Variants in RAD52 observed in about 807,000 individuals in gnomAD.
The protein encoded by RAD52 is RAD52 DNA repair protein, also known as DNA repair protein RAD52 homolog.
In RAD52, 47 loss-of-function variants were observed where a neutral mutation model predicts 55.5. The observed-to-expected ratio is 0.85, with a 90% confidence interval of 0.67 to 1.08. The LOEUF (loss-of-function observed/expected upper bound fraction) is 1.08. Among genes scored for constraint, RAD52 ranks in the 50% least tolerant of loss-of-function variants. The pLI is 0.00. For synonymous variants in RAD52, 184 were observed against 198.9 expected, an observed-to-expected ratio of 0.92 and a Z score of 0.63; for missense variants, 468 against 522.8, an observed-to-expected ratio of 0.90 and a Z score of 1.02.
At chr12:916,208 G>A in intron 9 of RAD52, 136 bp downstream of exon 9, 2 of 1,465,594 alleles carry the variant, frequency 1.4e-6, no homozygotes, top group Non-Finnish European at 1.8e-6. Context: ...CATCTCTCCT[G>A]CGTGTAGCTT....
chr12:978,922 A>G (rs1958972933), intron 1 of RAD52, among the ~76,000 whole-genome samples: 1 of 152,150 alleles, frequency 6.6e-6, no homozygotes, highest in Admixed American at 6.5e-5. Flanking sequence ...AGATAGACAG[A>G]CAGACAGATA....
chr12:984,114 A>G (rs190540316), intron 1 of RAD52, among the ~76,000 whole-genome samples: 1 of 152,182 alleles, frequency 6.6e-6, no homozygotes, highest in East Asian at 1.9e-4. Context: ...CTTCTTCCCA[A>G]ACGGAAACTC....
At chr12:925,327 C>A in intron 7 of RAD52, 123 bp downstream of exon 7, 1 of 797,276 alleles carries the variant, frequency 1.3e-6, no homozygotes. Context: ...CTGAAATCAA[C>A]ATTCCCGACC....
chr12:926,583 G>A (rs1327804812), intron 6 of RAD52, among the ~76,000 whole-genome samples: 6 of 151,996 alleles, frequency 3.9e-5, no homozygotes, highest in Non-Finnish European at 7.4e-5. Context: ...CTCTCTCCAC[G>A]TTCCCTCTTC....
rs60547688 is a variant in RAD52, at chr12:961,309, C to CAAAAAAAAAAAAAA, written c.-18-28247_-18-28234dup. Among the ~76,000 whole-genome samples the CAAAAAAAAAAAAAA allele has an allele frequency of 2.7e-4, 9 of 33,810 alleles. 1 individual carries two copies. Among genetic ancestry groups the CAAAAAAAAAAAAAA allele is most frequent in the East Asian group, 9.6e-4 (1 of 1,046 alleles). The allele number at this position is 33,810 out of a possible 152,430, so 22.2% of individuals were successfully genotyped here. A position where few individuals can be genotyped will look rare whatever the true frequency, so the allele number is the denominator to read the frequency against. ...TGGGTGACAGAGTGAGACTCCATCT[C>CAAAAAAAAAAAAAA]AAAAAAAAAAAAAAAAAAAAAAAGG... On this transcript the variant is annotated intron_variant, in intron 1 of 11. Transcript: ENST00000430095.
chr12:947,336 A>G (rs980877597), intron 1 of RAD52, among the ~76,000 whole-genome samples: 8 of 140,158 alleles, frequency 5.7e-5, no homozygotes, highest in African/African-American at 1.8e-4. Context: ...CCCCAAAAAA[A>G]CAACAGACAA....
At chr12:931,108 G>T in intron 3 of RAD52, 112 bp downstream of exon 3, 1 of 811,782 alleles carries the variant, frequency 1.2e-6, no homozygotes. Context: ...GAGACCTCCA[G>T]GAACAGTTAA....
intron 1 of RAD52, among the ~76,000 whole-genome samples, chr12:961,309 CAA>C (rs60547688): frequency 9.8e-3 from 331 of 33,770 alleles, no homozygotes; most frequent in Middle Eastern, 0.037. Flanking sequence ...GACTCCATCT[CAA>C]AAAAAAAAAA....
intron 1 of RAD52, among the ~76,000 whole-genome samples, chr12:971,779 T>TTG (rs1465271997): frequency 6.6e-6 from 1 of 152,050 alleles, no homozygotes; most frequent in Non-Finnish European, 1.5e-5. Context: ...AGACGGAGTC[T>TTG]CGCTGTCGCC....
At chr12:981,899 GGCTT>G (rs1370257464) in intron 1 of RAD52, among the ~76,000 whole-genome samples, 21 of 152,326 alleles carry the variant, frequency 1.4e-4, no homozygotes, top group African/African-American at 4.8e-4. Context: ...TGGATTAGCA[GGCTT>G]GCCTTCTAGG....
intron 1 of RAD52, among the ~76,000 whole-genome samples, chr12:972,848 G>A (rs1353069572): frequency 2.6e-5 from 4 of 151,812 alleles, no homozygotes; most frequent in Non-Finnish European, 5.9e-5. Flanking sequence ...GGGAAATTGG[G>A]GCAACTGGAG....
At chr12:914,232 T>C (rs1375495335) in intron 10 of RAD52, 111 bp from the exon 11 acceptor site, 8 of 1,295,936 alleles carry the variant, frequency 6.2e-6, no homozygotes, top group African/African-American at 1.5e-5. Flanking sequence ...CTTCTGAAAG[T>C]TTTTGGAATT....
chr12:983,428 T>C (rs936298212), intron 1 of RAD52, among the ~76,000 whole-genome samples: 22 of 73,500 alleles, frequency 3.0e-4, no homozygotes, highest in Non-Finnish European at 6.6e-4. Context: ...TTTTTTTTTT[T>C]TTTTTTTGAG....
rs531137677 is a variant in RAD52, at chr12:983,693, TAC to T, written c.-19+6114_-19+6115del. Among the ~76,000 whole-genome samples, 958 of 152,320 alleles carry T rather than the reference TAC, an allele frequency of 6.3e-3. 9 individuals are homozygous for T. Among genetic ancestry groups the T allele is most frequent in the South Asian group, 0.011 (55 of 4,828 alleles). ...CCTTGGCCTCCCAAAGTGCTGGGAT[TAC>T]AGGCATGAGCCACCGCACGCGGCCG... On this transcript the variant is annotated intron_variant, in intron 1 of 11. Coordinates refer to the RAD52 transcript ENST00000430095.
chr12:965,708 C>T (rs1403938579), intron 1 of RAD52, among the ~76,000 whole-genome samples: 1 of 151,624 alleles, frequency 6.6e-6, no homozygotes, highest in Non-Finnish European at 1.5e-5. Flanking sequence ...TTTTTCAAGA[C>T]AGAGTCTCAC....
At chr12:959,584 C>T (rs1352528244) in intron 1 of RAD52, among the ~76,000 whole-genome samples, 1 of 152,156 alleles carries the variant, frequency 6.6e-6, no homozygotes, top group South Asian at 2.1e-4. Context: ...AGATAAACTT[C>T]GTACATTTAA....
chr12:965,058 C>A (rs958823074), intron 1 of RAD52, among the ~76,000 whole-genome samples: 5 of 152,006 alleles, frequency 3.3e-5, no homozygotes, highest in Non-Finnish European at 7.4e-5. Context: ...TGGCTCACTG[C>A]AACCTCTGCC....
chr12:917,461 A>G (rs1956458767), intron 7 of RAD52, among the ~76,000 whole-genome samples: 1 of 152,194 alleles, frequency 6.6e-6, no homozygotes, highest in South Asian at 2.1e-4. Context: ...CTCTCAATTC[A>G]TAAAACTGAT....
At chr12:973,909 C>T (rs1037659190) in intron 1 of RAD52, among the ~76,000 whole-genome samples, 8 of 151,452 alleles carry the variant, frequency 5.3e-5, no homozygotes, top group African/African-American at 1.7e-4. Context: ...CTCAGCTTCT[C>T]GAGTAACCGG....
Sources: allele counts gnomAD v4.1 joint callset (sites outside exome capture counted in the v4.1 genomes callset), GRCh38; gene constraint gnomAD v4.1.1; transcripts MANE v1.5; gene names NCBI Gene and HGNC (gene_info 2026-07-23, HGNC 2026-07-21).